The following PTPRN2 variants were observed in gnomAD, a reference collection of about 807,000 sequenced individuals.
The protein encoded by PTPRN2 is protein tyrosine phosphatase receptor type N2.
Under a neutral mutation model 118.8 loss-of-function variants are expected in PTPRN2, and 74 were observed. The observed-to-expected ratio is 0.62, with a 90% CI of 0.52 to 0.76. The LOEUF (loss-of-function observed/expected upper bound fraction) is 0.76, where lower values mean the gene tolerates loss of function less well. PTPRN2 is among the 30% of genes least tolerant of loss of function. The pLI is 0.00. For missense variants in PTPRN2, 1,481 were observed against 1,394.4 expected, an observed-to-expected ratio of 1.06 and a Z score of -0.99; for synonymous variants, 641 against 608.0, an observed-to-expected ratio of 1.05 and a Z score of -0.80.
chr7:157,782,088 G>C (rs910721697), intron 12 of PTPRN2, among the ~76,000 whole-genome samples: 4 of 152,256 alleles, frequency 2.6e-5, no homozygotes, highest in Non-Finnish European at 5.9e-5. Flanking sequence ...ATAGACCTGG[G>C]CTGGCTTTGC....
chr7:157,811,332 T>TTTTATATATATA (rs1424012856), intron 12 of PTPRN2, among the ~76,000 whole-genome samples: 6 of 131,296 alleles, frequency 4.6e-5, no homozygotes, highest in Admixed American at 1.6e-4. Context: ...ATCTACTCTA[T>TTTTATATATATA]TATATATATA....
chr7:158,082,087 C>T (rs1563407940), intron 10 of PTPRN2, among the ~76,000 whole-genome samples: 1 of 152,172 alleles, frequency 6.6e-6, no homozygotes, highest in Non-Finnish European at 1.5e-5. Flanking sequence ...ATAGATAGCT[C>T]TTCCTGGAAC....
intron 21 of PTPRN2, among the ~76,000 whole-genome samples, chr7:157,561,145 C>T (rs747100592): frequency 1.5e-4 from 23 of 151,658 alleles, no homozygotes; most frequent in Non-Finnish European, 2.9e-4. Context: ...CCTCGGCCCC[C>T]GGGTCCTGTA....
chr7:158,113,955 GC>G (rs1431294833), intron 9 of PTPRN2, among the ~76,000 whole-genome samples: 4 of 152,190 alleles, frequency 2.6e-5, no homozygotes, highest in Non-Finnish European at 5.9e-5. Context: ...GAGACCGGTG[GC>G]CCCTACATCT....
intron 19 of PTPRN2, among the ~76,000 whole-genome samples, chr7:157,572,951 C>T (rs112074952): frequency 1.6e-3 from 251 of 152,306 alleles, no homozygotes; most frequent in African/African-American, 5.8e-3. Context: ...TGGGGAGAGG[C>T]GGGGAAGGCA....
At chr7:157,790,406 T>C (rs887364378) in intron 12 of PTPRN2, among the ~76,000 whole-genome samples, 15 of 151,990 alleles carry the variant, frequency 9.9e-5, no homozygotes, top group African/African-American at 3.6e-4. Context: ...TGTCAAGCAA[T>C]CTGGGGGCAC....
At chr7:158,050,052 GGAAA>G (rs1809210427) in intron 11 of PTPRN2, among the ~76,000 whole-genome samples, 1 of 152,130 alleles carries the variant, frequency 6.6e-6, no homozygotes, top group Admixed American at 6.5e-5. Context: ...CATTTTATTA[GGAAA>G]GAAATAAAAT....
At chr7:157,677,024 C>T (rs1234530902) in intron 13 of PTPRN2, among the ~76,000 whole-genome samples, 1 of 152,178 alleles carries the variant, frequency 6.6e-6, no homozygotes, top group Non-Finnish European at 1.5e-5. Context: ...ATCCTCCTCC[C>T]GGGGCCCAGC....
At chr7:158,407,290 GGGT>G in intron 2 of PTPRN2, among the ~76,000 whole-genome samples, 1 of 108,292 alleles carries the variant, frequency 9.2e-6, no homozygotes. Context: ...CCTGGGTCCT[GGGT>G]CCTGCGTCCT....
At chr7:157,725,713 G>A (rs1424183166) in intron 12 of PTPRN2, among the ~76,000 whole-genome samples, 2 of 45,764 alleles carry the variant, frequency 4.4e-5, no homozygotes, top group African/African-American at 2.2e-4. Flanking sequence ...ATATCCACAT[G>A]CAGAGGAGTG....
In PTPRN2 at chr7:157,800,264, G is replaced by A. The variant is rs143846208; in HGVS notation, c.1788+98409C>T. On this transcript the variant is annotated intron_variant, in intron 12 of 22. Coordinates refer to ENST00000389418, the MANE Select transcript of PTPRN2 (RefSeq NM_002847.5). ...GTCTTTCCAGGCTGGGCTTCTTCTCGTCCTAACGCTCAGAGGCCTCTGCTT... is the reference window on the plus strand; with the variant it reads ...GTCTTTCCAGGCTGGGCTTCTTCTCATCCTAACGCTCAGAGGCCTCTGCTT... 5.5e-3 allele frequency among the ~76,000 whole-genome samples: 836 copies of A among 152,272 alleles called. 32 individuals are homozygous for A. The East Asian group carries it at 0.075, about 14-fold the overall frequency.
chr7:158,342,580 G>A (rs142723020), intron 2 of PTPRN2, among the ~76,000 whole-genome samples: 1,485 of 145,946 alleles, frequency 0.01, 78 homozygotes, highest in African/African-American at 0.039. Flanking sequence ...ACCTGCAGAC[G>A]TCGCTCACAC....
intron 11 of PTPRN2, among the ~76,000 whole-genome samples, chr7:158,023,471 C>G (rs577651915): frequency 4.5e-4 from 69 of 152,112 alleles, no homozygotes; most frequent in Non-Finnish European, 9.8e-4. Context: ...TTTCTCTAAT[C>G]TATATTTTGA....
At chr7:158,329,940 C>T (rs1029787574) in intron 2 of PTPRN2, among the ~76,000 whole-genome samples, 1 of 152,068 alleles carries the variant, frequency 6.6e-6, no homozygotes, top group African/African-American at 2.4e-5. Context: ...CTGCAACCAA[C>T]TCACAAAATC....
At chr7:158,085,753 T>C (rs1185048937) in intron 10 of PTPRN2, among the ~76,000 whole-genome samples, 1 of 108,604 alleles carries the variant, frequency 9.2e-6, no homozygotes, top group African/African-American at 4.0e-5. Context: ...CATCCACACA[T>C]GCCCATCCAC....
chr7:158,542,624 A>G lies in PTPRN2; in HGVS notation c.112+44934T>C, dbSNP rs557193440. ...CGTCCATCCCTCTCCCAGCGGAGCA[A>G]CGCTCAACCCAAGCAAGTGAGCTCC... On this transcript the variant is annotated intron_variant, in intron 1 of 22. Coordinates refer to ENST00000389418, the MANE Select transcript of PTPRN2 (RefSeq NM_002847.5). Among the ~76,000 whole-genome samples, 4 of 152,324 alleles carry G rather than the reference A, an allele frequency of 2.6e-5. No homozygotes were observed. In the East Asian group the frequency reaches 7.7e-4, roughly 29 times the overall value.
intron 12 of PTPRN2, chr7:157,862,871 T>A (rs1448120525): frequency 6.9e-6 from 1 of 145,212 alleles, no homozygotes; most frequent in Non-Finnish European, 1.5e-5. Flanking sequence ...GGACCGGCTT[T>A]AAAGTCACAG....
chr7:158,234,827 A>G (rs887459355), intron 3 of PTPRN2, among the ~76,000 whole-genome samples: 2 of 152,166 alleles, frequency 1.3e-5, no homozygotes, highest in African/African-American at 4.8e-5. Flanking sequence ...CAATGGCACA[A>G]TCTCCGCTCA....
intron 5 of PTPRN2, among the ~76,000 whole-genome samples, chr7:158,172,829 A>C (rs1823830216): frequency 6.9e-6 from 1 of 144,956 alleles, no homozygotes; most frequent in Non-Finnish European, 1.5e-5. Flanking sequence ...CATCCACAGC[A>C]GCATCCCCAC....
Sources: allele counts gnomAD v4.1 joint callset (sites outside exome capture counted in the v4.1 genomes callset), GRCh38; gene constraint gnomAD v4.1.1; transcripts MANE v1.5; gene names NCBI Gene and HGNC (gene_info 2026-07-23, HGNC 2026-07-21).